CTNND2: variants seen among roughly 807,000 people sequenced by gnomAD.
The protein encoded by CTNND2 is catenin delta-2.
A neutral mutation model predicts 144.4 loss-of-function variants in CTNND2; 22 were observed. The observed-to-expected ratio is 0.15, with a 90% CI of 0.11 to 0.22. The LOEUF (loss-of-function observed/expected upper bound fraction) is 0.22. Among genes scored for constraint, CTNND2 ranks in the 10% least tolerant of loss-of-function variants. CTNND2 has a pLI of 1.00. For missense variants in CTNND2, 1,353 were observed against 1,618.8 expected (o/e 0.84, Z 2.82); for synonymous variants, 751 against 695.6 (o/e 1.08, Z -1.25).
chr5:11,172,790 G>A (rs568114905), intron 11 of CTNND2, among the ~76,000 whole-genome samples: 6 of 152,186 alleles, frequency 3.9e-5, no homozygotes, highest in Non-Finnish European at 7.3e-5. Context: ...ATTAGGCAGA[G>A]AGAACGTCCT....
intron 2 of CTNND2, among the ~76,000 whole-genome samples, chr5:11,595,279 C>G (rs1215379230): frequency 6.6e-6 from 1 of 152,152 alleles, no homozygotes; most frequent in East Asian, 1.9e-4. Context: ...TCAGATGCAA[C>G]TGAAACCCCA....
intron 15 of CTNND2, among the ~76,000 whole-genome samples, chr5:11,090,561 G>C (rs1299456102): frequency 2.6e-5 from 4 of 152,216 alleles, no homozygotes; most frequent in African/African-American, 9.6e-5. Flanking sequence ...AACTGTGCAT[G>C]TGAGGGATCT....
chr5:11,117,789 A>G (rs1161966565), intron 12 of CTNND2, among the ~76,000 whole-genome samples: 9 of 152,216 alleles, frequency 5.9e-5, no homozygotes, highest in African/African-American at 1.9e-4. Context: ...TGGAATAGAC[A>G]ATGAAGAACT....
intron 11 of CTNND2, among the ~76,000 whole-genome samples, chr5:11,192,453 T>C (rs1435827757): frequency 6.6e-6 from 1 of 152,042 alleles, no homozygotes; most frequent in Non-Finnish European, 1.5e-5. Flanking sequence ...GGCTTGCAGA[T>C]GGGATGAAGG....
intron 2 of CTNND2, among the ~76,000 whole-genome samples, chr5:11,694,151 A>G (rs1458362522): frequency 6.6e-6 from 1 of 152,024 alleles, no homozygotes; most frequent in African/African-American, 2.4e-5. Context: ...AAACATGAAA[A>G]TGGGCCAGGC....
At chr5:11,412,271 T>A (rs1173940384) in intron 3 of CTNND2, among the ~76,000 whole-genome samples, 2 of 152,174 alleles carry the variant, frequency 1.3e-5, no homozygotes, top group African/African-American at 4.8e-5. Flanking sequence ...GATTCGCAAG[T>A]ATTAGCATGT....
chr5:11,032,384 T>C (rs1743573516), intron 16 of CTNND2, among the ~76,000 whole-genome samples: 1 of 152,240 alleles, frequency 6.6e-6, no homozygotes, highest in Non-Finnish European at 1.5e-5. Flanking sequence ...GCTTAATTTA[T>C]AGAAATCTGT....
At chr5:11,763,365 T>C (rs1213550821) in intron 1 of CTNND2, among the ~76,000 whole-genome samples, 2 of 152,190 alleles carry the variant, frequency 1.3e-5, no homozygotes, top group Non-Finnish European at 2.9e-5. Flanking sequence ...GCCATTGTGC[T>C]TTCTGCCCAA....
At chr5:11,834,447 TG>T (rs750930675) in intron 1 of CTNND2, among the ~76,000 whole-genome samples, 6 of 152,140 alleles carry the variant, frequency 3.9e-5, no homozygotes, top group Non-Finnish European at 8.8e-5. Flanking sequence ...CACCAAAAAA[TG>T]GTAAGTATGT....
chr5:11,481,191 A>G (rs1768231356), intron 3 of CTNND2, among the ~76,000 whole-genome samples: 1 of 152,140 alleles, frequency 6.6e-6, no homozygotes, highest in East Asian at 1.9e-4. Context: ...AAACAAACAC[A>G]TGGATGCCTG....
At chr5:11,707,335 C>A (rs1785767006) in intron 2 of CTNND2, among the ~76,000 whole-genome samples, 1 of 152,164 alleles carries the variant, frequency 6.6e-6, no homozygotes, top group African/African-American at 2.4e-5. Flanking sequence ...CCAGTCCCAT[C>A]CTCCTCTCAT....
intron 15 of CTNND2, among the ~76,000 whole-genome samples, chr5:11,095,293 T>C (rs1047525700): frequency 5.3e-5 from 8 of 152,206 alleles, no homozygotes; most frequent in African/African-American, 1.9e-4. Flanking sequence ...CTGCAAAACA[T>C]TGTTCAGTCT....
At chr5:11,097,398 C>A (rs533680308) in intron 15 of CTNND2, among the ~76,000 whole-genome samples, 2 of 152,234 alleles carry the variant, frequency 1.3e-5, no homozygotes, top group South Asian at 4.1e-4. Context: ...TGTCTATGGG[C>A]AGGGTGTAGA....
At chr5:11,084,785 T>C (rs1749958738) in intron 15 of CTNND2, among the ~76,000 whole-genome samples, 1 of 152,176 alleles carries the variant, frequency 6.6e-6, no homozygotes, top group African/African-American at 2.4e-5. Flanking sequence ...TCAGCATTTT[T>C]ATTTTATACA....
At chr5:11,225,099 A>C (rs1173002036) in intron 10 of CTNND2, among the ~76,000 whole-genome samples, 2 of 152,176 alleles carry the variant, frequency 1.3e-5, no homozygotes, top group Non-Finnish European at 2.9e-5. Context: ...GCAACAACAA[A>C]AAAAACCAGG....
rs35360011 is a variant in CTNND2 at position 11,817,981 on chromosome 5, G to GTTT, written c.38-85712_38-85710dup. Among the ~76,000 whole-genome samples the GTTT allele has an allele frequency of 5.3e-3, 167 of 31,764 alleles. 5 individuals carry two copies. The highest frequency in any genetic ancestry group is 0.016 in the East Asian group (15 of 934). The allele number at this position is 31,764 out of a possible 152,430, so 20.8% of individuals were successfully genotyped here. A position where few individuals can be genotyped will look rare whatever the true frequency, so the allele number is the denominator to read the frequency against. ...GAAGTGAAGATACGTATTATGAGGT[G>GTTT]TTTTTTTTTTTTTTTTTTTTTTTCA... On this transcript the variant is annotated intron_variant, in intron 1 of 21. Coordinates refer to ENST00000304623, the MANE Select transcript of CTNND2 (RefSeq NM_001332.4).
At chr5:11,357,740 G>T (rs925780388) in intron 8 of CTNND2, among the ~76,000 whole-genome samples, 2 of 152,096 alleles carry the variant, frequency 1.3e-5, no homozygotes, top group African/African-American at 4.8e-5. Context: ...TACACACACT[G>T]CCCTGACTGG....
chr5:11,060,733 A>G (rs1404122545), intron 16 of CTNND2, among the ~76,000 whole-genome samples: 3 of 152,182 alleles, frequency 2.0e-5, no homozygotes, highest in African/African-American at 4.8e-5. Flanking sequence ...AATAATCTGA[A>G]CATGTGTGGT....
intron 2 of CTNND2, among the ~76,000 whole-genome samples, chr5:11,646,397 A>G (rs906206974): frequency 7.2e-5 from 11 of 152,310 alleles, no homozygotes; most frequent in African/African-American, 2.6e-4. Flanking sequence ...GCTGGGATTC[A>G]TATTCAACAG....
Sources: allele counts gnomAD v4.1 joint callset (sites outside exome capture counted in the v4.1 genomes callset), GRCh38; gene constraint gnomAD v4.1.1; transcripts MANE v1.5; gene names NCBI Gene and HGNC (gene_info 2026-07-23, HGNC 2026-07-21).